The following EFR3A variants were observed in gnomAD, a reference collection of about 807,000 sequenced individuals.
EFR3A encodes the protein EFR3 homolog A.
In EFR3A, 76 loss-of-function variants were observed where a neutral mutation model predicts 104.4. That is an observed-to-expected ratio of 0.73 (90% CI 0.60 to 0.88). The LOEUF (loss-of-function observed/expected upper bound fraction) is 0.88, where lower values mean the gene tolerates loss of function less well. EFR3A is among the 40% of genes least tolerant of loss of function. The pLI is 0.00. For missense variants in EFR3A, 985 were observed against 1,012.5 expected (o/e 0.97, Z 0.37); for synonymous variants, 330 against 330.0 (o/e 1.00, Z 0.00).
intron 9 of EFR3A, among the ~76,000 whole-genome samples, chr8:131,970,033 A>C (rs1422831989): frequency 6.6e-6 from 1 of 152,230 alleles, no homozygotes; most frequent in Non-Finnish European, 1.5e-5. Context: ...CTCATAATTG[A>C]GGCATATTCT....
At chr8:131,960,912 CT>C (rs1260034106) in intron 8 of EFR3A, among the ~76,000 whole-genome samples, 2 of 152,184 alleles carry the variant, frequency 1.3e-5, no homozygotes, top group African/African-American at 4.8e-5. Flanking sequence ...CCTGTATTCA[CT>C]GTTCTGCAGC....
At chr8:132,008,753 T>G (rs1439117668) in intron 22 of EFR3A, among the ~76,000 whole-genome samples, 1 of 145,354 alleles carries the variant, frequency 6.9e-6, no homozygotes, top group Non-Finnish European at 1.5e-5. Flanking sequence ...TTGAAAGTGT[T>G]CAGTATCTCT....
At chr8:131,925,397 C>T (rs1014036689) in intron 1 of EFR3A, among the ~76,000 whole-genome samples, 1 of 152,060 alleles carries the variant, frequency 6.6e-6, no homozygotes, top group Non-Finnish European at 1.5e-5. Context: ...TGGGGCAAAA[C>T]GTCCTTCAAT....
chr8:131,953,329 T>C (rs934209678), intron 5 of EFR3A, among the ~76,000 whole-genome samples: 4 of 152,286 alleles, frequency 2.6e-5, no homozygotes, highest in Middle Eastern at 3.4e-3. Context: ...ATAGTTCTTA[T>C]TTGTAATACC....
chr8:131,987,288 T>C (rs1266526558), intron 17 of EFR3A, among the ~76,000 whole-genome samples: 1 of 152,144 alleles, frequency 6.6e-6, no homozygotes, highest in East Asian at 1.9e-4. Flanking sequence ...GTGTTCTTTA[T>C]TACTTAACAA....
intron 3 of EFR3A, among the ~76,000 whole-genome samples, chr8:131,945,245 A>T (rs1167070667): frequency 6.6e-6 from 1 of 151,678 alleles, no homozygotes; most frequent in Non-Finnish European, 1.5e-5. Context: ...TAACCAGATC[A>T]TTTTTTTTCA....
At chr8:131,986,486 T>G (rs577610352) in intron 17 of EFR3A, among the ~76,000 whole-genome samples, 2 of 152,166 alleles carry the variant, frequency 1.3e-5, no homozygotes. Context: ...GAAAAAATTT[T>G]TTAAGAATAA....
intron 7 of EFR3A, among the ~76,000 whole-genome samples, chr8:131,957,338 T>C (rs1268043830): frequency 6.7e-6 from 1 of 150,076 alleles, no homozygotes; most frequent in Non-Finnish European, 1.5e-5. Context: ...TTTGAAGATT[T>C]AGGGCCAGGG....
In EFR3A at chr8:132,012,802, AACAC is replaced by A. The variant is rs1226262192; in HGVS notation, c.*1909_*1912del. 7.2e-5 allele frequency: 11 copies of A among 152,338 alleles called. No homozygotes were observed. Among genetic ancestry groups the A allele is most frequent in the Admixed American group, 7.2e-4 (11 of 15,260 alleles). The allele number at this position is 152,338 out of a possible 1,614,324, so 9.4% of individuals were successfully genotyped here. On this transcript the variant is annotated 3_prime_UTR_variant, in exon 23 of 23. Coordinates refer to ENST00000254624, the MANE Select transcript of EFR3A (RefSeq NM_015137.6). ...TATATATTCATTTGCACTTACGTGA[AACAC>A]AAACTTTGCTCTACAAAATTTCGTG...
At chr8:132,004,077 G>T (rs976230843) in intron 22 of EFR3A, among the ~76,000 whole-genome samples, 9 of 151,920 alleles carry the variant, frequency 5.9e-5, no homozygotes, top group Non-Finnish European at 1.0e-4. Context: ...TTGCTTTTTT[G>T]TTTCAGTCTT....
intron 6 of EFR3A, among the ~76,000 whole-genome samples, chr8:131,954,277 A>G (rs777777937): frequency 1.3e-5 from 2 of 152,116 alleles, no homozygotes; most frequent in South Asian, 2.1e-4. Context: ...AAAGTTGCAA[A>G]TGTGAGAAAC....
chr8:131,940,260 A>G (rs1392619044), intron 1 of EFR3A: 9 of 469,484 alleles, frequency 1.9e-5, no homozygotes, highest in Non-Finnish European at 3.4e-5. Context: ...TGTCAGATGA[A>G]TTTGGCGGGA....
intron 10 of EFR3A, among the ~76,000 whole-genome samples, chr8:131,972,932 C>T (rs547319085): frequency 6.6e-6 from 1 of 151,748 alleles, no homozygotes; most frequent in South Asian, 2.1e-4. Context: ...ATTGACACCA[C>T]CTATTTATTT....
At chr8:132,009,068 A>T (rs1822190728) in intron 22 of EFR3A, among the ~76,000 whole-genome samples, 1 of 151,958 alleles carries the variant, frequency 6.6e-6, no homozygotes. Context: ...TACCAAAAAT[A>T]GATATACCAG....
At chr8:132,000,295 A>T (rs1554607688) in intron 19 of EFR3A, among the ~76,000 whole-genome samples, 1 of 151,836 alleles carries the variant, frequency 6.6e-6, no homozygotes, top group Non-Finnish European at 1.5e-5. Flanking sequence ...TGCCCAGCTA[A>T]TTTTTTGTAT....
In EFR3A at chr8:131,978,891, A is replaced by G; in HGVS notation, c.1371A>G (p.Pro457=). 1 of 1,611,878 alleles carries G rather than the reference A, an allele frequency of 6.2e-7. No homozygotes were observed. The highest frequency in any genetic ancestry group is 1.3e-5 in the African/African-American group (1 of 74,996). The change falls in exon 13 of 23, where the codon CCA becomes CCG. Residue 457 remains proline (P), a synonymous_variant. Transcript: ENST00000254624. ...YKAKTIVTAL[P]GSFLDPLLSP... ...CGAAGACGATTGTTACTGCACTGCC[A>G]GGGTCTTTCCTGGATCCTTTGTTAT... is the stretch of plus-strand genomic sequence containing the variant.
intron 1 of EFR3A, among the ~76,000 whole-genome samples, chr8:131,906,415 G>T (rs1446103395): frequency 1.3e-5 from 2 of 152,184 alleles, no homozygotes; most frequent in Non-Finnish European, 2.9e-5. Flanking sequence ...CAGTTAATCC[G>T]TACGAGTTTT....
At chr8:131,945,380 T>C (rs575426225) in intron 3 of EFR3A, among the ~76,000 whole-genome samples, 2 of 152,084 alleles carry the variant, frequency 1.3e-5, no homozygotes, top group African/African-American at 4.8e-5. Context: ...TACTGATAAA[T>C]AGAAGTCTAC....
chr8:131,941,015 T>G (rs748903918), intron 2 of EFR3A, among the ~76,000 whole-genome samples: 1 of 151,908 alleles, frequency 6.6e-6, no homozygotes, highest in African/African-American at 2.4e-5. Flanking sequence ...ACTAGACAAA[T>G]GAAGTATGGG....
Sources: allele counts gnomAD v4.1 joint callset (sites outside exome capture counted in the v4.1 genomes callset), GRCh38; gene constraint gnomAD v4.1.1; transcripts MANE v1.5; gene names NCBI Gene and HGNC (gene_info 2026-07-23, HGNC 2026-07-21).